ABTB3: variants seen among roughly 807,000 people sequenced by gnomAD.
The protein encoded by ABTB3 is ankyrin repeat and BTB domain containing 3.
the ABTB3 span, among the ~76,000 whole-genome samples, chr12:107,496,529 G>A: frequency 0.3 from 45,537 of 151,988 alleles, 8,846 homozygotes; most frequent in African/African-American, 0.55. Flanking sequence ...AAAGATGACC[G>A]ATAAAACATT....
At chr12:107,415,140 G>T in the ABTB3 span, among the ~76,000 whole-genome samples, 1 of 152,088 alleles carries the variant, frequency 6.6e-6, no homozygotes, top group Non-Finnish European at 1.5e-5. Context: ...TCATCCTCCT[G>T]TTTTCACATT....
the ABTB3 span, among the ~76,000 whole-genome samples, chr12:107,565,760 C>G: frequency 6.6e-6 from 1 of 152,214 alleles, no homozygotes; most frequent in Non-Finnish European, 1.5e-5. Flanking sequence ...GAGGGAGGGA[C>G]TTCAGGATTC....
At chr12:107,560,903 T>A in the ABTB3 span, among the ~76,000 whole-genome samples, 1 of 152,236 alleles carries the variant, frequency 6.6e-6, no homozygotes, top group South Asian at 2.1e-4. Context: ...TTCTGGATTT[T>A]AAAATGTGGC....
chr12:107,343,816 A>G, the ABTB3 span, among the ~76,000 whole-genome samples: 7 of 152,282 alleles, frequency 4.6e-5, no homozygotes, highest in South Asian at 1.2e-3. Flanking sequence ...GAGAAGTGTG[A>G]GCGCAGGAAA....
At chr12:107,402,921 C>T in the ABTB3 span, among the ~76,000 whole-genome samples, 1 of 152,198 alleles carries the variant, frequency 6.6e-6, no homozygotes, top group African/African-American at 2.4e-5. Context: ...CTGCTGCTGG[C>T]TTGTCCCCCC....
At chr12:107,503,335 C>T in the ABTB3 span, among the ~76,000 whole-genome samples, 1 of 152,072 alleles carries the variant, frequency 6.6e-6, no homozygotes, top group African/African-American at 2.4e-5. Context: ...GGTCAGTTTA[C>T]ATTTGAAAAG....
the ABTB3 span, among the ~76,000 whole-genome samples, chr12:107,348,594 G>A: frequency 6.6e-6 from 1 of 152,164 alleles, no homozygotes; most frequent in African/African-American, 2.4e-5. Context: ...GTGTGATGGT[G>A]TGCCCCTGTA....
chr12:107,341,175 G>C, the ABTB3 span, among the ~76,000 whole-genome samples: 3 of 152,186 alleles, frequency 2.0e-5, no homozygotes, highest in African/African-American at 7.2e-5. Context: ...CAAGCTGCAG[G>C]TGCAGACAGG....
At chr12:107,579,864 C>G in the ABTB3 span, among the ~76,000 whole-genome samples, 2 of 152,338 alleles carry the variant, frequency 1.3e-5, no homozygotes, top group Admixed American at 1.3e-4. Context: ...TTTGCATCTA[C>G]GTAGTGCATT....
At chr12:107,566,910 C>T in the ABTB3 span, among the ~76,000 whole-genome samples, 1 of 152,092 alleles carries the variant, frequency 6.6e-6, no homozygotes, top group Non-Finnish European at 1.5e-5. Flanking sequence ...CCCAGGAGTT[C>T]GAGACCAGCC....
At chr12:107,346,894 G>T in the ABTB3 span, among the ~76,000 whole-genome samples, 1 of 152,204 alleles carries the variant, frequency 6.6e-6, no homozygotes. Flanking sequence ...TTCTGGTCCT[G>T]CAGGGAATGA....
the ABTB3 span, among the ~76,000 whole-genome samples, chr12:107,466,938 A>G: frequency 2.6e-5 from 4 of 152,176 alleles, no homozygotes; most frequent in African/African-American, 7.2e-5. Context: ...CATGTTCACC[A>G]TATCGTCTTT....
At chr12:107,360,930 A>ATTTTTTTTTTTT in the ABTB3 span, among the ~76,000 whole-genome samples, 169 of 84,430 alleles carry the variant, frequency 2.0e-3, 3 homozygotes, top group East Asian at 2.7e-3. Flanking sequence ...ATTTAATTTA[A>ATTTTTTTTTTTT]TTTTTTTTTT....
the ABTB3 span, among the ~76,000 whole-genome samples, chr12:107,594,719 G>A: frequency 6.6e-6 from 1 of 151,966 alleles, no homozygotes; most frequent in Non-Finnish European, 1.5e-5. Flanking sequence ...TGAGGAGGGG[G>A]GCCAGTATCC....
chr12:107,481,804 C>T, the ABTB3 span, among the ~76,000 whole-genome samples: 7 of 151,578 alleles, frequency 4.6e-5, no homozygotes, highest in African/African-American at 1.7e-4. Context: ...CTGGGACATT[C>T]TGAGCTGTCT....
the ABTB3 span, among the ~76,000 whole-genome samples, chr12:107,340,828 C>G: frequency 6.6e-6 from 1 of 152,176 alleles, no homozygotes; most frequent in South Asian, 2.1e-4. Context: ...TGCACATCCC[C>G]AGGTATGTTT....
the ABTB3 span, among the ~76,000 whole-genome samples, chr12:107,565,372 T>C: frequency 2.0e-5 from 3 of 152,234 alleles, no homozygotes; most frequent in African/African-American, 7.2e-5. Flanking sequence ...TGACTATATG[T>C]GCTGTATGCC....
the ABTB3 span, among the ~76,000 whole-genome samples, chr12:107,629,507 A>G: frequency 1.3e-5 from 2 of 152,044 alleles, no homozygotes. Context: ...AATTTACTCC[A>G]TGTGCACATC....
At chr12:107,395,041 C>G in the ABTB3 span, among the ~76,000 whole-genome samples, 10 of 152,216 alleles carry the variant, frequency 6.6e-5, no homozygotes, top group Non-Finnish European at 1.3e-4. Flanking sequence ...AGTCCTGTCT[C>G]TGACCAAGGC....
Sources: gnomAD v4.1 joint callset for allele counts (sites outside exome capture counted in the v4.1 genomes callset) on GRCh38, gnomAD v4.1.1 for gene constraint, MANE v1.5 for transcripts, NCBI Gene and HGNC (gene_info 2026-07-23, HGNC 2026-07-21) for gene names.